DPYSL2: variants seen among roughly 807,000 people sequenced by gnomAD.
DPYSL2 encodes the protein dihydropyrimidinase-related protein 2.
DPYSL2 carries 13 observed loss-of-function variants against 69.9 expected under a neutral mutation model. That is an observed-to-expected ratio of 0.19 (90% CI 0.12 to 0.30). The LOEUF (loss-of-function observed/expected upper bound fraction) is 0.30. Among genes scored for constraint, DPYSL2 ranks in the 10% least tolerant of loss-of-function variants. DPYSL2 has a pLI of 1.00. For missense variants in DPYSL2, 587 were observed against 918.9 expected, an observed-to-expected ratio of 0.64 and a Z score of 4.67; for synonymous variants, 326 against 359.1, an observed-to-expected ratio of 0.91 and a Z score of 1.04.
chr8:26,557,986 G>T (rs906199603), intron 1 of DPYSL2, among the ~76,000 whole-genome samples: 1 of 151,778 alleles, frequency 6.6e-6, no homozygotes, highest in South Asian at 2.1e-4. Context: ...CTCATTCATT[G>T]CTGGTGAGGA....
At chr8:26,546,434 C>A (rs916753586) in intron 1 of DPYSL2, among the ~76,000 whole-genome samples, 1 of 152,108 alleles carries the variant, frequency 6.6e-6, no homozygotes, top group African/African-American at 2.4e-5. Context: ...ATCTGCTCAA[C>A]AAATATCAAA....
intron 1 of DPYSL2, among the ~76,000 whole-genome samples, chr8:26,575,067 G>T (rs1251676982): frequency 6.6e-6 from 1 of 152,252 alleles, no homozygotes; most frequent in Non-Finnish European, 1.5e-5. Context: ...CCGAATGGCT[G>T]GGATTACCGG....
intron 1 of DPYSL2, among the ~76,000 whole-genome samples, chr8:26,545,461 C>T (rs771838602): frequency 6.6e-6 from 1 of 152,244 alleles, no homozygotes; most frequent in East Asian, 1.9e-4. Flanking sequence ...CTTAGCGAGG[C>T]GCAGTGGCTC....
intron 1 of DPYSL2, among the ~76,000 whole-genome samples, chr8:26,544,261 T>C (rs556705290): frequency 2.0e-5 from 3 of 152,178 alleles, no homozygotes; most frequent in Non-Finnish European, 4.4e-5. Flanking sequence ...CAGTAGCCAA[T>C]TGTGCCTCAC....
At chr8:26,615,334 A>G (rs111731421) in intron 3 of DPYSL2, among the ~76,000 whole-genome samples, 2 of 152,318 alleles carry the variant, frequency 1.3e-5, no homozygotes, top group African/African-American at 4.8e-5. Flanking sequence ...ACTTAAACTT[A>G]TGTTACAGTT....
chr8:26,643,789 A>G lies in DPYSL2; in HGVS notation c.1284-161A>G, dbSNP rs1176833859. ...TTTTGGGAGGGGATTCTGGATAAAA[A>G]CCTGGGCCATGTTGAAAGTCAAGCC... On this transcript the variant is annotated intron_variant, in intron 9 of 13. Transcript: ENST00000521913. The surrounding 1 kb of genome is among the most constrained non-coding windows in gnomAD (Gnocchi z 6.5). Among the ~76,000 whole-genome samples the G allele has an allele frequency of 6.6e-6, 1 of 152,124 alleles. No individual in the cohort carries two copies. The highest frequency in any genetic ancestry group is 2.4e-5 in the African/African-American group (1 of 41,428).
chr8:26,577,993 T>TTTTC (rs1554538406), intron 1 of DPYSL2: 1 of 945,708 alleles, frequency 1.1e-6, no homozygotes, highest in African/African-American at 1.6e-5. Flanking sequence ...CTCTCTCTCC[T>TTTTC]TCTCTCTCTC....
At chr8:26,637,768 A>C (rs1802953193) in intron 8 of DPYSL2, 1 of 152,192 alleles carries the variant, frequency 6.6e-6, no homozygotes. Flanking sequence ...GTGCTTCCTC[A>C]TCATCTCCAC....
intron 3 of DPYSL2, among the ~76,000 whole-genome samples, chr8:26,616,289 C>G (rs1389827030): frequency 6.6e-6 from 1 of 152,162 alleles, no homozygotes; most frequent in Non-Finnish European, 1.5e-5. Flanking sequence ...GTTATCCTAA[C>G]TGCCAAGCAC....
At chr8:26,651,901 G>C (rs1055876931) in intron 11 of DPYSL2, among the ~76,000 whole-genome samples, 2 of 152,204 alleles carry the variant, frequency 1.3e-5, no homozygotes, top group Non-Finnish European at 1.5e-5. Flanking sequence ...GTCAGAGAAG[G>C]CCTTTGGAAT....
At position 26,583,747 on chromosome 8, in the gene DPYSL2, A is replaced by G; in HGVS notation, c.444-52A>G. The G allele has an allele frequency of 2.6e-6, 4 of 1,533,044 alleles. No individual in the cohort carries two copies. In the Admixed American group the frequency reaches 7.4e-5, roughly 28 times the overall value. The allele number at this position is 1,533,044 out of a possible 1,614,324, so 95.0% of individuals were successfully genotyped here. ...TTAGTGAAAGTAGCTGTCAGATCCC[A>G]TTTGAGTCCACATTTCATTTACAAC... On this transcript the variant is annotated intron_variant, in intron 2 of 13. Transcript: ENST00000521913.
intron 1 of DPYSL2, among the ~76,000 whole-genome samples, chr8:26,525,483 A>G (rs1408172200): frequency 6.6e-6 from 1 of 152,166 alleles, no homozygotes; most frequent in Admixed American, 6.6e-5. Flanking sequence ...TTGTCTCCCA[A>G]AGTACTGGGA....
intron 3 of DPYSL2, among the ~76,000 whole-genome samples, chr8:26,611,530 G>A (rs1032957945): frequency 1.3e-5 from 2 of 152,164 alleles, no homozygotes; most frequent in Non-Finnish European, 2.9e-5. Context: ...CCAAGTTCGT[G>A]TTTCTCCCAC....
In DPYSL2 at chr8:26,655,675, G is replaced by T; in HGVS notation, c.2003G>T (p.Gly668Val). ...RTTQRIVAPP[G>V]GRANITSLG The stretch of plus-strand genomic sequence containing the variant: ...ACCCAGCGTATCGTGGCGCCCCCCG[G>T]TGGCCGTGCCAACATCACCAGCCTG... The change falls in exon 14 of 14, where the codon GGT (glycine) becomes GTT (valine). Residue 668 changes from glycine to valine, a missense_variant. Coordinates refer to ENST00000521913, the MANE Select transcript of DPYSL2 (RefSeq NM_001197293.3). 1.2e-6 allele frequency: 2 copies of T among 1,608,830 alleles called. No homozygotes were observed. The highest frequency in any genetic ancestry group is 1.7e-6 in the Non-Finnish European group (2 of 1,179,312).
chr8:26,551,463 A>G (rs971352520), intron 1 of DPYSL2, among the ~76,000 whole-genome samples: 5 of 152,340 alleles, frequency 3.3e-5, no homozygotes, highest in African/African-American at 1.2e-4. Flanking sequence ...TTTCAAGGAG[A>G]TATAAACAAA....
rs1032044189 is a variant in DPYSL2, at chr8:26,516,329, G to A, written c.354+1650G>A. Among the ~76,000 whole-genome samples the A allele has an allele frequency of 1.1e-4, 17 of 152,214 alleles. No homozygotes were observed. The highest frequency in any genetic ancestry group is 3.9e-4 in the African/African-American group (16 of 41,444). ...GTGTGTGAAACACTTCCCTGTGTGA[G>A]TACATTGAGTGAGGGCCAAAATCAT... is the stretch of plus-strand genomic sequence containing the variant. On this transcript the variant is annotated intron_variant, in intron 1 of 13. Transcript: ENST00000521913. This position sits in a 1 kb window ranked among gnomAD's most constrained non-coding sequence, Gnocchi z 4.8.
chr8:26,544,965 A>G (rs573522805), intron 1 of DPYSL2, among the ~76,000 whole-genome samples: 2 of 152,362 alleles, frequency 1.3e-5, no homozygotes, highest in South Asian at 4.1e-4. Flanking sequence ...ATATAACAAT[A>G]TAACAATCAT....
At chr8:26,574,336 G>A (rs1032998889) in intron 1 of DPYSL2, among the ~76,000 whole-genome samples, 2 of 152,190 alleles carry the variant, frequency 1.3e-5, no homozygotes, top group African/African-American at 4.8e-5. Context: ...AGGTGTCCAG[G>A]GAGGGGAGTT....
intron 1 of DPYSL2, among the ~76,000 whole-genome samples, chr8:26,531,532 A>G (rs1563376694): frequency 6.6e-6 from 1 of 152,214 alleles, no homozygotes; most frequent in Admixed American, 6.5e-5. Flanking sequence ...TGTTGGAGCC[A>G]TCTAGAGCTG....
Sources: gnomAD v4.1 joint callset for allele counts (sites outside exome capture counted in the v4.1 genomes callset) on GRCh38, gnomAD v4.1.1 for gene constraint, Gnocchi (gnomAD v3.1) non-coding constraint, MANE v1.5 for transcripts, NCBI Gene and HGNC (gene_info 2026-07-23, HGNC 2026-07-21) for gene names.